ANTXR1: variants seen among roughly 807,000 people sequenced by gnomAD.
ANTXR1 encodes anthrax toxin receptor 1.
Under a neutral mutation model 78.1 loss-of-function variants are expected in ANTXR1, and 19 were observed. That is an observed-to-expected ratio of 0.24 (90% confidence interval 0.17 to 0.36). The LOEUF is 0.36. ANTXR1 is among the 10% of genes least tolerant of loss of function. ANTXR1 has a pLI of 1.00. For missense variants in ANTXR1, 518 were observed against 718.6 expected (o/e 0.72, Z 3.19); for synonymous variants, 273 against 260.5 (o/e 1.05, Z -0.46).
intron 14 of ANTXR1, among the ~76,000 whole-genome samples, chr2:69,178,505 A>AGGCCAGGGACAAGAGGGAGG (rs1674190396): frequency 6.6e-6 from 1 of 152,098 alleles, no homozygotes; most frequent in African/African-American, 2.4e-5. Flanking sequence ...CTCCTTCCCC[A>AGGCCAGGGACAAGAGGGAGG]GGCCAGGGAC....
chr2:69,190,296 G>T (rs1431801746), intron 16 of ANTXR1, among the ~76,000 whole-genome samples: 1 of 152,188 alleles, frequency 6.6e-6, no homozygotes, highest in African/African-American at 2.4e-5. Context: ...GAGCAATTTG[G>T]GTGGAGTGAT....
At chr2:69,173,549 G>A (rs1483851499) in intron 14 of ANTXR1, among the ~76,000 whole-genome samples, 1 of 152,182 alleles carries the variant, frequency 6.6e-6, no homozygotes, top group Non-Finnish European at 1.5e-5. Flanking sequence ...AAGGAGGAAT[G>A]GACCTGGTGC....
chr2:69,190,676 A>T (rs1484492287), intron 16 of ANTXR1, among the ~76,000 whole-genome samples: 2 of 152,178 alleles, frequency 1.3e-5, no homozygotes, highest in African/African-American at 2.4e-5. Context: ...TGAAAAGGAG[A>T]CCCACAGTAC....
intron 3 of ANTXR1, among the ~76,000 whole-genome samples, chr2:69,065,666 T>C (rs995921932): frequency 2.0e-5 from 3 of 152,240 alleles, no homozygotes; most frequent in African/African-American, 7.2e-5. Context: ...TGGTTCAGCA[T>C]GCATCTTGAT....
chr2:69,101,291 C>T (rs1340043968), intron 9 of ANTXR1, among the ~76,000 whole-genome samples: 3 of 152,236 alleles, frequency 2.0e-5, no homozygotes, highest in Non-Finnish European at 4.4e-5. Flanking sequence ...AATGACTCAT[C>T]TGTCAGAAGG....
intron 17 of ANTXR1, among the ~76,000 whole-genome samples, chr2:69,238,903 G>C (rs1385532299): frequency 3.9e-5 from 6 of 152,152 alleles, no homozygotes. Context: ...CCAAAGTCCA[G>C]CTCCCTCTCC....
intron 1 of ANTXR1, among the ~76,000 whole-genome samples, chr2:69,036,661 TGGACCA>T (rs1327532453): frequency 2.6e-5 from 4 of 152,096 alleles, no homozygotes; most frequent in African/African-American, 9.6e-5. Context: ...TCTGGTTGTA[TGGACCA>T]AAACACAGCA....
intron 13 of ANTXR1, among the ~76,000 whole-genome samples, chr2:69,155,768 G>C (rs1329217544): frequency 6.6e-6 from 1 of 152,208 alleles, no homozygotes; most frequent in Non-Finnish European, 1.5e-5. Flanking sequence ...CCAATGCCCT[G>C]ATGGGAGCCT....
intron 12 of ANTXR1, among the ~76,000 whole-genome samples, chr2:69,150,089 T>C (rs1673350424): frequency 6.6e-6 from 1 of 152,156 alleles, no homozygotes; most frequent in African/African-American, 2.4e-5. Context: ...ACCAGAGGTG[T>C]TTAGTTCCCT....
rs73934657 is a variant in ANTXR1, at chr2:69,038,508, G to A, written c.153-1536G>A. On this transcript the variant is annotated intron_variant, in intron 1 of 17. Transcript: ENST00000303714. Reference sequence around the variant, plus strand: ...TATAAGATTCTAGACAATCTGTGTTGTTCAAAAAAGAACAAAGGATAATAT... The same window carrying A: ...TATAAGATTCTAGACAATCTGTGTTATTCAAAAAAGAACAAAGGATAATAT... Among the ~76,000 whole-genome samples the A allele has an allele frequency of 9.8e-3, 1,498 of 152,176 alleles. 25 individuals are homozygous for A. Among genetic ancestry groups the A allele is most frequent in the African/African-American group, 0.034 (1,396 of 41,532 alleles).
chr2:69,212,428 C>T (rs1185966714), intron 17 of ANTXR1, among the ~76,000 whole-genome samples: 1 of 152,166 alleles, frequency 6.6e-6, no homozygotes. Context: ...AGGAGGTGTT[C>T]CTGGCACCAT....
intron 14 of ANTXR1, among the ~76,000 whole-genome samples, chr2:69,170,571 T>C (rs1673955284): frequency 6.6e-6 from 1 of 152,216 alleles, no homozygotes; most frequent in South Asian, 2.1e-4. Flanking sequence ...TTTTTATCAG[T>C]ACAGTTATTT....
chr2:69,091,296 C>G (rs994067019), intron 9 of ANTXR1, among the ~76,000 whole-genome samples: 7 of 151,580 alleles, frequency 4.6e-5, no homozygotes, highest in Non-Finnish European at 7.4e-5. Context: ...AAAAAATTAG[C>G]CAGGTGTGAT....
intron 10 of ANTXR1, among the ~76,000 whole-genome samples, chr2:69,110,724 T>C (rs1671952675): frequency 6.6e-6 from 1 of 151,922 alleles, no homozygotes; most frequent in African/African-American, 2.4e-5. Flanking sequence ...CAGCCAGGCA[T>C]GGTGGTGCGC....
intron 16 of ANTXR1, among the ~76,000 whole-genome samples, chr2:69,188,588 T>C (rs1207329865): frequency 6.6e-6 from 1 of 152,258 alleles, no homozygotes; most frequent in Non-Finnish European, 1.5e-5. Flanking sequence ...AGTCAAAATT[T>C]GTCAACTTCA....
rs112221008 is a variant in ANTXR1, at chr2:69,172,588, A to G, written c.1089+2299A>G. On this transcript the variant is annotated intron_variant, in intron 14 of 17. Coordinates refer to ENST00000303714, the MANE Select transcript of ANTXR1 (RefSeq NM_032208.3). ...CTCTGCCGTATATATGAAGACCTTC[A>G]GTATTATTTATCCCAACTTTCATCA... The G allele has an allele frequency of 1.4e-3, 1,722 of 1,249,760 alleles. 4 individuals carry two copies. Among genetic ancestry groups the G allele is most frequent in the Non-Finnish European group, 1.7e-3 (1,645 of 986,584 alleles). The allele number at this position is 1,249,760 out of a possible 1,614,324, so 77.4% of individuals were successfully genotyped here. A position where few individuals can be genotyped will look rare whatever the true frequency, so the allele number is the denominator to read the frequency against.
At chr2:69,228,472 G>T (rs1675516000) in intron 17 of ANTXR1, among the ~76,000 whole-genome samples, 1 of 152,160 alleles carries the variant, frequency 6.6e-6, no homozygotes, top group Admixed American at 6.5e-5. Context: ...AGTCTAAACA[G>T]ACCTCGATTT....
chr2:69,052,274 T>A (rs1236748166), intron 3 of ANTXR1, among the ~76,000 whole-genome samples: 1 of 152,102 alleles, frequency 6.6e-6, no homozygotes, highest in East Asian at 1.9e-4. Context: ...AATTCCTCAG[T>A]TTGCTAAGTC....
intron 10 of ANTXR1, among the ~76,000 whole-genome samples, chr2:69,104,214 C>T (rs1387905985): frequency 1.3e-5 from 2 of 152,178 alleles, no homozygotes; most frequent in African/African-American, 4.8e-5. Context: ...GCTGGGATTA[C>T]AGGTGTGAGC....
Sources: allele counts gnomAD v4.1 joint callset (sites outside exome capture counted in the v4.1 genomes callset), GRCh38; gene constraint gnomAD v4.1.1; transcripts MANE v1.5; gene names NCBI Gene and HGNC (gene_info 2026-07-23, HGNC 2026-07-21).